Variants in ABCB5 observed in about 807,000 individuals in gnomAD.
ABCB5 encodes ATP-binding cassette sub-family B member 5.
Under a neutral mutation model 144.2 loss-of-function variants are expected in ABCB5, and 155 were observed. The ratio of observed to expected loss-of-function variants is 1.08; its 90% confidence interval spans 0.94 to 1.23. ABCB5 has a LOEUF of 1.23. Ranked by LOEUF, ABCB5 falls within the 50% of genes most tolerant of loss-of-function variation. The pLI, the probability that ABCB5 is intolerant of heterozygous loss-of-function variation, is 0.00. For missense variants in ABCB5, 1,830 were observed against 1,520.8 expected (o/e 1.20, Z -3.38); for synonymous variants, 610 against 528.6 (o/e 1.15, Z -2.11).
At chr7:20,711,365 T>C (rs1174444182) in intron 20 of ABCB5, among the ~76,000 whole-genome samples, 5 of 149,856 alleles carry the variant, frequency 3.3e-5, no homozygotes, top group African/African-American at 1.2e-4. Context: ...TTCAGGTTTT[T>C]TATGCCTGAA....
At chr7:20,652,946 T>A (rs1784650493) in intron 13 of ABCB5, among the ~76,000 whole-genome samples, 1 of 151,660 alleles carries the variant, frequency 6.6e-6, no homozygotes, top group South Asian at 2.1e-4. Flanking sequence ...ATTTAAAAAA[T>A]TTGTTATGCC....
intron 12 of ABCB5, 135 bp downstream of exon 12, chr7:20,650,282 T>C: frequency 2.6e-6 from 3 of 1,174,516 alleles, no homozygotes; most frequent in Non-Finnish European, 3.4e-6. Flanking sequence ...TTCCTTTGTA[T>C]CCATTCACTC....
intron 23 of ABCB5, among the ~76,000 whole-genome samples, chr7:20,736,446 G>A (rs2128053627): frequency 6.6e-6 from 1 of 152,238 alleles, no homozygotes; most frequent in South Asian, 2.1e-4. Context: ...TTGAACTCCT[G>A]ACCTCGTGAT....
At chr7:20,666,813 G>A in intron 14 of ABCB5, 1 of 1,577,292 alleles carries the variant, frequency 6.3e-7, no homozygotes, top group Non-Finnish European at 8.6e-7. Context: ...CTACGTTGAG[G>A]TATCTGGAAC....
intron 21 of ABCB5, among the ~76,000 whole-genome samples, chr7:20,726,166 G>A (rs1174677820): frequency 2.0e-5 from 3 of 152,102 alleles, no homozygotes; most frequent in Admixed American, 2.0e-4. Context: ...ATGTGGAGAA[G>A]TATTCATCAC....
intron 26 of ABCB5, among the ~76,000 whole-genome samples, chr7:20,747,297 GCC>G (rs1782758138): frequency 6.6e-6 from 1 of 152,136 alleles, no homozygotes; most frequent in South Asian, 2.1e-4. Flanking sequence ...TTGAGACAAG[GCC>G]TCACTCTGTC....
intron 20 of ABCB5, among the ~76,000 whole-genome samples, chr7:20,710,231 G>C (rs1273892156): frequency 6.8e-6 from 1 of 146,728 alleles, no homozygotes; most frequent in African/African-American, 2.5e-5. Context: ...GGTGGGCGTG[G>C]TGGGGGGCAT....
At chr7:20,748,802 G>T (rs1271032161) in intron 26 of ABCB5, among the ~76,000 whole-genome samples, 1 of 152,082 alleles carries the variant, frequency 6.6e-6, no homozygotes, top group Admixed American at 6.5e-5. Context: ...CCAGTAACAT[G>T]CAGTAAGCAT....
chr7:20,668,519 C>G (rs1450469965), intron 14 of ABCB5, among the ~76,000 whole-genome samples: 1 of 151,796 alleles, frequency 6.6e-6, no homozygotes. Flanking sequence ...GGAGCCCCTC[C>G]GTCCGGCAGC....
intron 5 of ABCB5, among the ~76,000 whole-genome samples, chr7:20,637,004 G>T (rs934709752): frequency 1.3e-5 from 2 of 152,034 alleles, no homozygotes; most frequent in African/African-American, 4.8e-5. Context: ...GATAGTAAAG[G>T]CTTCATTTAG....
At chr7:20,668,712 G>A (rs1785325678) in intron 14 of ABCB5, among the ~76,000 whole-genome samples, 1 of 144,638 alleles carries the variant, frequency 6.9e-6, no homozygotes, top group Non-Finnish European at 1.5e-5. Flanking sequence ...GCCCCGTCCA[G>A]GAGGGAGGTG....
At chr7:20,685,150 T>C (rs1785953372) in intron 15 of ABCB5, among the ~76,000 whole-genome samples, 1 of 152,202 alleles carries the variant, frequency 6.6e-6, no homozygotes, top group Admixed American at 6.5e-5. Flanking sequence ...GCACCTGGTC[T>C]TTAATGTTAA....
Position 20,698,422 on chromosome 7 carries a change from GTCTC to G in ABCB5, c.2030_2033del (p.Ser677TyrfsTer2), listed in dbSNP as rs1218144043. ...TTATTTTTAGATAAGTCTTCCTGAA[GTCTC>G]TCTATTAAAAATTTTAAAGTTAAAC... On this transcript the variant is annotated frameshift_variant, in exon 17 of 28. Coordinates refer to ENST00000404938, the MANE Select transcript of ABCB5 (RefSeq NM_001163941.2). LOFTEE classifies it high-confidence loss of function. The G allele has an allele frequency of 3.2e-6, 5 of 1,576,840 alleles. No individual in the cohort carries two copies. The highest frequency in any genetic ancestry group is 2.8e-5 in the African/African-American group (2 of 72,474).
intron 3 of ABCB5, among the ~76,000 whole-genome samples, chr7:20,628,172 C>A: frequency 6.6e-6 from 1 of 152,032 alleles, no homozygotes; most frequent in East Asian, 1.9e-4. Context: ...TCCCACCCCA[C>A]AACAGGCCCC....
chr7:20,681,835 C>T (rs1562559934), intron 15 of ABCB5, among the ~76,000 whole-genome samples, 169 bp downstream of exon 15: 2 of 152,088 alleles, frequency 1.3e-5, no homozygotes, highest in South Asian at 4.2e-4. Context: ...GTGTTGTGCT[C>T]AATAATATGA....
Position 20,755,529 on chromosome 7 carries a change from C to A in ABCB5, c.3679C>A (p.His1227Asn). 6.2e-7 allele frequency: 1 copy of A among 1,614,112 alleles called. No homozygotes were observed. The highest frequency in any genetic ancestry group is 1.1e-5 in the South Asian group (1 of 91,080). The change falls in exon 28 of 28, where the codon CAC becomes AAC. Residue 1227 changes from histidine (H) to asparagine (N), a missense_variant. Transcript: ENST00000404938. ...IQNADLIVVL[H>N]NGKIKEQGTH... ...GAACGCAGATTTGATAGTGGTTCTG[C>A]ACAATGGAAAGATAAAGGAACAAGG... is the stretch of plus-strand genomic sequence containing the variant.
intron 2 of ABCB5, among the ~76,000 whole-genome samples, chr7:20,623,631 G>T (rs926654945): frequency 1.3e-5 from 2 of 152,088 alleles, no homozygotes; most frequent in African/African-American, 4.8e-5. Context: ...TTATACAGAA[G>T]AAAGGCACCT....
chr7:20,692,829 G>T (rs1304981572), intron 16 of ABCB5, among the ~76,000 whole-genome samples: 2 of 151,984 alleles, frequency 1.3e-5, no homozygotes, highest in Non-Finnish European at 2.9e-5. Context: ...TTTTCTTAGA[G>T]CAAACAACAT....
At chr7:20,634,769 G>T (rs546090465) in intron 5 of ABCB5, among the ~76,000 whole-genome samples, 23 of 151,980 alleles carry the variant, frequency 1.5e-4, no homozygotes, top group African/African-American at 4.1e-4. Context: ...TATTGTCATT[G>T]TTGAGGTGTT....
Sources: gnomAD v4.1 joint callset for allele counts (sites outside exome capture counted in the v4.1 genomes callset) on GRCh38, gnomAD v4.1.1 for gene constraint, MANE v1.5 for transcripts, NCBI Gene and HGNC (gene_info 2026-07-23, HGNC 2026-07-21) for gene names.